The following SEPTIN11 variants were observed in gnomAD, a reference collection of about 807,000 sequenced individuals.
The protein encoded by SEPTIN11 is septin 11.
Under a neutral mutation model 51.4 loss-of-function variants are expected in SEPTIN11, and 25 were observed. That is an observed-to-expected ratio of 0.49 (90% CI 0.35 to 0.68). The LOEUF (loss-of-function observed/expected upper bound fraction) is 0.68, where lower values mean the gene tolerates loss of function less well. Among genes scored for constraint, SEPTIN11 ranks in the 30% least tolerant of loss-of-function variants. The pLI, the probability that SEPTIN11 is intolerant of heterozygous loss-of-function variation, is 0.00. For missense variants in SEPTIN11, 381 were observed against 520.8 expected, an observed-to-expected ratio of 0.73 and a Z score of 2.61; for synonymous variants, 174 against 184.1, an observed-to-expected ratio of 0.95 and a Z score of 0.44.
At chr4:77,002,877 C>T (rs753473206) in intron 2 of SEPTIN11, among the ~76,000 whole-genome samples, 5 of 152,030 alleles carry the variant, frequency 3.3e-5, no homozygotes, top group Admixed American at 6.5e-5. Flanking sequence ...ATGTTACAAA[C>T]GTGCAAACAG....
chr4:76,954,222 T>C (rs1423844570), intron 1 of SEPTIN11, among the ~76,000 whole-genome samples: 1 of 152,244 alleles, frequency 6.6e-6, no homozygotes, highest in Non-Finnish European at 1.5e-5. Flanking sequence ...ATTTAGACTG[T>C]GGCGCAGCCC....
At chr4:76,956,043 A>G (rs1307986399) in intron 1 of SEPTIN11, among the ~76,000 whole-genome samples, 1 of 152,208 alleles carries the variant, frequency 6.6e-6, no homozygotes, top group African/African-American at 2.4e-5. Context: ...GTCTGTTAAA[A>G]GCCAGGGTTT....
chr4:76,970,687 G>A (rs1350485435), intron 1 of SEPTIN11, among the ~76,000 whole-genome samples: 1 of 152,208 alleles, frequency 6.6e-6, no homozygotes, highest in Non-Finnish European at 1.5e-5. Flanking sequence ...GACCATACTA[G>A]TTGGATTGGA....
chr4:77,010,697 G>A (rs1474662239), intron 3 of SEPTIN11, among the ~76,000 whole-genome samples: 3 of 152,148 alleles, frequency 2.0e-5, no homozygotes, highest in Admixed American at 2.0e-4. Flanking sequence ...TAACTTATGG[G>A]TATGGGATTT....
At chr4:76,952,622 G>C (rs1045908586) in intron 1 of SEPTIN11, among the ~76,000 whole-genome samples, 1 of 152,202 alleles carries the variant, frequency 6.6e-6, no homozygotes, top group African/African-American at 2.4e-5. Flanking sequence ...ATTCAGGTAA[G>C]TTTCTTAAGT....
rs555105341 is a variant in SEPTIN11 at position 76,954,545 on chromosome 4, C to T, written c.27+4615C>T. ...CCCCTGACCCACTCATGCCTGCTGG[C>T]AGCCCATCAATGCAGCAGCTGTTGA... On this transcript the variant is annotated intron_variant, in intron 1 of 9. Coordinates refer to ENST00000264893, the MANE Select transcript of SEPTIN11 (RefSeq NM_018243.4). Among the ~76,000 whole-genome samples, 13 of 152,326 alleles carry T rather than the reference C, an allele frequency of 8.5e-5. No homozygotes were observed. The East Asian group carries it at 2.1e-3, about 25-fold the overall frequency.
At chr4:77,028,510 G>A (rs1726351540) in intron 7 of SEPTIN11, 119 bp from the exon 8 acceptor site, 3 of 1,133,580 alleles carry the variant, frequency 2.6e-6, no homozygotes, top group Non-Finnish European at 3.8e-6. Flanking sequence ...CTTATGCTTT[G>A]ATCTGGCAAG....
At chr4:76,960,761 C>T (rs1430107025) in intron 1 of SEPTIN11, among the ~76,000 whole-genome samples, 1 of 152,224 alleles carries the variant, frequency 6.6e-6, no homozygotes, top group Non-Finnish European at 1.5e-5. Context: ...CCCCAGCTAA[C>T]ACCATGCATG....
At chr4:76,967,490 C>T (rs905889812) in intron 1 of SEPTIN11, among the ~76,000 whole-genome samples, 1 of 152,168 alleles carries the variant, frequency 6.6e-6, no homozygotes, top group Non-Finnish European at 1.5e-5. Context: ...ACACATGCCA[C>T]CTCTTGGCTC....
chr4:77,022,433 T>G (rs575808552), intron 7 of SEPTIN11, among the ~76,000 whole-genome samples: 1 of 150,370 alleles, frequency 6.7e-6, no homozygotes, highest in African/African-American at 2.4e-5. Context: ...TAAAAAAAAA[T>G]TTTTTTCCAT....
chr4:76,976,417 G>T (rs568017836), intron 1 of SEPTIN11, among the ~76,000 whole-genome samples: 7 of 152,292 alleles, frequency 4.6e-5, no homozygotes, highest in Non-Finnish European at 8.8e-5. Flanking sequence ...TGGGACTAGA[G>T]TGATGAGATT....
At chr4:76,986,846 T>G (rs1448582086) in intron 1 of SEPTIN11, among the ~76,000 whole-genome samples, 8 of 152,202 alleles carry the variant, frequency 5.3e-5, no homozygotes, top group African/African-American at 1.9e-4. Flanking sequence ...TATTTTCTAT[T>G]ATAAAACTAC....
At chr4:76,974,842 G>A in intron 1 of SEPTIN11, 1 of 456,660 alleles carries the variant, frequency 2.2e-6, no homozygotes, top group Non-Finnish European at 4.4e-6. Context: ...TGAGCGCTTG[G>A]GTGGGTGTGG....
At chr4:76,982,446 A>G (rs546484285) in intron 1 of SEPTIN11, among the ~76,000 whole-genome samples, 1 of 152,046 alleles carries the variant, frequency 6.6e-6, no homozygotes, top group South Asian at 2.1e-4. Flanking sequence ...CCTGGCCTCT[A>G]GTGATTGCCT....
At chr4:76,975,305 C>CTA (rs931628261) in intron 1 of SEPTIN11, among the ~76,000 whole-genome samples, 3 of 152,092 alleles carry the variant, frequency 2.0e-5, no homozygotes, top group African/African-American at 7.2e-5. Flanking sequence ...AAAGTGTTTA[C>CTA]TATGACTATG....
intron 1 of SEPTIN11, chr4:76,959,245 A>T (rs1177209430): frequency 1.2e-5 from 2 of 173,798 alleles, no homozygotes; most frequent in Non-Finnish European, 1.2e-5. Flanking sequence ...GAGCTTGGAC[A>T]AGACAAGGTT....
At chr4:77,007,477 T>A (rs1163779589) in intron 3 of SEPTIN11, among the ~76,000 whole-genome samples, 1 of 152,116 alleles carries the variant, frequency 6.6e-6, no homozygotes, top group Non-Finnish European at 1.5e-5. Context: ...GTGCTGCCAC[T>A]CAATTTTTGC....
At position 77,035,721 on chromosome 4, in the gene SEPTIN11, TTG is replaced by T. The variant is rs1726978818; in HGVS notation, c.*1211_*1212del. ...CACCTTGGCTAGCTCCACCTGCTCT[TTG>T]TCTAAGGCCCTTGCCTCATCAGGGA... On this transcript the variant is annotated 3_prime_UTR_variant, in exon 10 of 10. Transcript: ENST00000264893. 3 of 985,786 alleles carry T rather than the reference TTG, an allele frequency of 3.0e-6. No homozygotes were observed. Among genetic ancestry groups the T allele is most frequent in the Non-Finnish European group, 3.6e-6 (3 of 829,960 alleles). The allele number at this position is 985,786 out of a possible 1,614,324, so 61.1% of individuals were successfully genotyped here.
intron 1 of SEPTIN11, among the ~76,000 whole-genome samples, chr4:76,971,771 G>T (rs1244278783): frequency 6.6e-6 from 1 of 152,016 alleles, no homozygotes; most frequent in East Asian, 1.9e-4. Context: ...GCAGGAAAAA[G>T]GAAACCACTT....
Sources: gnomAD v4.1 joint callset for allele counts (sites outside exome capture counted in the v4.1 genomes callset) on GRCh38, gnomAD v4.1.1 for gene constraint, MANE v1.5 for transcripts, NCBI Gene and HGNC (gene_info 2026-07-23, HGNC 2026-07-21) for gene names.